FEZ2: variants seen among roughly 807,000 people sequenced by gnomAD.
FEZ2 encodes the protein fasciculation and elongation protein zeta 2, also known as fasciculation and elongation protein zeta-2.
A neutral mutation model predicts 40.4 loss-of-function variants in FEZ2; 51 were observed. The ratio of observed to expected loss-of-function variants is 1.26; its 90% CI spans 1.01 to 1.59. The LOEUF is 1.59. FEZ2 is among the 40% of genes most tolerant of loss of function. The pLI, the probability that FEZ2 is intolerant of heterozygous loss-of-function variation, is 0.00. For synonymous variants in FEZ2, 242 were observed against 172.0 expected (o/e 1.41, Z -3.18); for missense variants, 640 against 438.3 (o/e 1.46, Z -4.11).
chr2:36,566,713 A>C (rs1668250995), intron 5 of FEZ2, among the ~76,000 whole-genome samples: 1 of 152,212 alleles, frequency 6.6e-6, no homozygotes, highest in East Asian at 1.9e-4. Context: ...ACTTGGACAG[A>C]AAAGTGCTGA....
chr2:36,582,739 T>C (rs1023980506), intron 3 of FEZ2, among the ~76,000 whole-genome samples: 9 of 152,212 alleles, frequency 5.9e-5, no homozygotes, highest in African/African-American at 4.8e-5. Context: ...AGCCTAAAAA[T>C]AGAGTGTGGT....
chr2:36,558,072 T>C, intron 6 of FEZ2: 1 of 157,770 alleles, frequency 6.3e-6, no homozygotes, highest in Non-Finnish European at 1.4e-5. Flanking sequence ...CGTAAATCTT[T>C]CCTATTCAGT....
In FEZ2 at chr2:36,598,035, C is replaced by T. The variant is rs747826966; in HGVS notation, c.108G>A (p.Ala36=). 1 of 1,500,736 alleles carries T rather than the reference C, an allele frequency of 6.7e-7. No homozygotes were observed. The highest frequency in any genetic ancestry group is 1.5e-5 in the African/African-American group (1 of 68,928). 93.0% of individuals were successfully genotyped at this position (1,500,736 alleles called of 1,614,324 possible). ...CGGCGCCCCCACCCGCCTCGGCCCC[C>T]GCCTCCGCCCCAGGCTCGGGGCTCG... ...CNASPEPGAE[A]GAEAGGGADG... Residue 36 remains alanine (A), a synonymous_variant, in exon 1 of 8, where the codon GCG becomes GCA. Coordinates refer to ENST00000405912, the MANE Select transcript of FEZ2 (RefSeq NM_005102.3).
At chr2:36,569,594 GT>G (rs1668351267) in intron 5 of FEZ2, among the ~76,000 whole-genome samples, 1 of 152,208 alleles carries the variant, frequency 6.6e-6, no homozygotes, top group South Asian at 2.1e-4. Flanking sequence ...CAGTGCTGCA[GT>G]TTGTTAGTTC....
intron 1 of FEZ2, among the ~76,000 whole-genome samples, chr2:36,597,476 C>T (rs573155393): frequency 6.6e-6 from 1 of 152,338 alleles, no homozygotes; most frequent in African/African-American, 2.4e-5. Context: ...TTGGTGTTCC[C>T]TGTGCGAAGC....
intron 1 of FEZ2, among the ~76,000 whole-genome samples, chr2:36,592,342 C>T (rs1669095206): frequency 6.6e-6 from 1 of 151,934 alleles, no homozygotes; most frequent in Non-Finnish European, 1.5e-5. Flanking sequence ...CAAACATGTG[C>T]CATGGTGATT....
At chr2:36,560,304 A>C (rs1014723031) in intron 5 of FEZ2, among the ~76,000 whole-genome samples, 3 of 152,226 alleles carry the variant, frequency 2.0e-5, no homozygotes, top group Non-Finnish European at 2.9e-5. Flanking sequence ...CACCTTAAAA[A>C]CACATGAATT....
rs1031677591 is a variant in FEZ2, at chr2:36,578,879, C to A, written c.635-14G>T. The A allele has an allele frequency of 6.3e-7, 1 of 1,593,926 alleles. No homozygotes were observed. Among genetic ancestry groups the A allele is most frequent in the East Asian group, 2.2e-5 (1 of 44,660 alleles). ...GCCTTTTCACTCCTGTGACCAAAAGCAAAATACAGCAGATATTAAGACAAA... is the reference window on the plus strand; with the variant it reads ...GCCTTTTCACTCCTGTGACCAAAAGAAAAATACAGCAGATATTAAGACAAA... On this transcript the variant is annotated splice_polypyrimidine_tract_variant and intron_variant, in intron 4 of 7. Coordinates refer to ENST00000405912, the MANE Select transcript of FEZ2 (RefSeq NM_005102.3).
At chr2:36,564,564 A>C (rs954449463) in intron 5 of FEZ2, among the ~76,000 whole-genome samples, 2 of 152,154 alleles carry the variant, frequency 1.3e-5, no homozygotes, top group African/African-American at 2.4e-5. Flanking sequence ...GCAGATAACT[A>C]ACACATGCCC....
In FEZ2 at chr2:36,581,236, C is replaced by A. The variant is rs886376693; in HGVS notation, c.634+54G>T. The stretch of plus-strand genomic sequence containing the variant: ...GCTTTCTGGAGATGATCATACTATA[C>A]ATTTGATACAGACAAAAAGCACAGA... On this transcript the variant is annotated intron_variant, in intron 4 of 7. Coordinates refer to ENST00000405912, the MANE Select transcript of FEZ2 (RefSeq NM_005102.3). 10 of 1,517,002 alleles carry A rather than the reference C, an allele frequency of 6.6e-6. No homozygotes were observed. In the Admixed American group the frequency reaches 1.7e-4, roughly 26 times the overall value. The allele number at this position is 1,517,002 out of a possible 1,614,324, so 94.0% of individuals were successfully genotyped here. A position where few individuals can be genotyped will look rare whatever the true frequency, so the allele number is the denominator to read the frequency against.
intron 5 of FEZ2, among the ~76,000 whole-genome samples, chr2:36,560,066 T>C (rs1668053172): frequency 6.6e-6 from 1 of 152,190 alleles, no homozygotes; most frequent in African/African-American, 2.4e-5. Flanking sequence ...ACTTAAAGAC[T>C]TTTCTTTTTC....
intron 1 of FEZ2, among the ~76,000 whole-genome samples, chr2:36,594,736 T>C (rs1264760352): frequency 6.6e-6 from 1 of 152,230 alleles, no homozygotes; most frequent in Non-Finnish European, 1.5e-5. Context: ...CAGGATACAC[T>C]AGCAGGTGAA....
chr2:36,555,865 A>T (rs934564322), intron 6 of FEZ2, 117 bp from the exon 7 acceptor site: 43 of 674,016 alleles, frequency 6.4e-5, no homozygotes, highest in Middle Eastern at 2.5e-4. Context: ...ACTGACTCAT[A>T]CAAATTATAG....
chr2:36,594,810 A>G (rs1669167104), intron 1 of FEZ2, among the ~76,000 whole-genome samples: 1 of 152,236 alleles, frequency 6.6e-6, no homozygotes, highest in Non-Finnish European at 1.5e-5. Flanking sequence ...ACAAGGCTAT[A>G]AGAAAAAGGC....
intron 4 of FEZ2, among the ~76,000 whole-genome samples, chr2:36,580,843 AT>A (rs1293065643): frequency 6.6e-6 from 1 of 152,144 alleles, no homozygotes; most frequent in African/African-American, 2.4e-5. Flanking sequence ...ATCCAATATG[AT>A]TGCTGTCCTT....
At chr2:36,568,255 G>C (rs1668304606) in intron 5 of FEZ2, among the ~76,000 whole-genome samples, 1 of 152,150 alleles carries the variant, frequency 6.6e-6, no homozygotes, top group African/African-American at 2.4e-5. Flanking sequence ...CAAGGTTAAA[G>C]TACCAAAGAC....
intron 2 of FEZ2, among the ~76,000 whole-genome samples, chr2:36,586,876 T>C (rs989418552): frequency 3.3e-5 from 5 of 151,704 alleles, no homozygotes; most frequent in African/African-American, 9.7e-5. Context: ...AGCCCAGGAG[T>C]TGGAGGCTGC....
At position 36,596,469 on chromosome 2, in the gene FEZ2, A is replaced by G. The variant is rs149321635; in HGVS notation, c.266+1408T>C. 1.4e-3 allele frequency among the ~76,000 whole-genome samples: 211 copies of G among 152,086 alleles called. 2 individuals are homozygous for G. The highest frequency in any genetic ancestry group is 4.8e-3 in the African/African-American group (199 of 41,494). On this transcript the variant is annotated intron_variant, in intron 1 of 7. Transcript: ENST00000405912. Reference sequence around the variant, plus strand: ...AAAATCCATTCCTTCCCATGTCCTCATTTTTGAGACAAAGTCTCGCTCTGA... The same window carrying G: ...AAAATCCATTCCTTCCCATGTCCTCGTTTTTGAGACAAAGTCTCGCTCTGA...
chr2:36,554,168 A>C (rs1572996556), intron 7 of FEZ2: 2 of 470,946 alleles, frequency 4.2e-6, no homozygotes, highest in East Asian at 1.4e-4. Flanking sequence ...AACTGGGCTT[A>C]CAGACAGGAG....
Sources: allele counts gnomAD v4.1 joint callset (sites outside exome capture counted in the v4.1 genomes callset), GRCh38; gene constraint gnomAD v4.1.1; transcripts MANE v1.5; gene names NCBI Gene and HGNC (gene_info 2026-07-23, HGNC 2026-07-21).